Variants in PLEKHG1 observed in about 807,000 individuals in gnomAD.
The protein encoded by PLEKHG1 is pleckstrin homology and RhoGEF domain containing G1.
A neutral mutation model predicts 100.8 loss-of-function variants in PLEKHG1; 44 were observed. The observed-to-expected ratio is 0.44, with a 90% CI of 0.34 to 0.56. PLEKHG1 has a LOEUF of 0.56. PLEKHG1 is among the 20% of genes least tolerant of loss of function. The probability of loss-of-function intolerance (pLI) is 0.01; values close to 1 mark genes in which losing one functional copy is unlikely to be tolerated. For synonymous variants in PLEKHG1, 640 were observed against 662.5 expected (o/e 0.97, Z 0.52); for missense variants, 1,545 against 1,720.9 (o/e 0.90, Z 1.81).
intron 3 of PLEKHG1, among the ~76,000 whole-genome samples, chr6:150,777,362 G>A (rs1451161512): frequency 9.6e-5 from 14 of 146,444 alleles, no homozygotes; most frequent in Middle Eastern, 4.2e-3. Flanking sequence ...GCACATGTGC[G>A]GTTGCACATT....
At chr6:150,780,295 T>C (rs1313571721) in intron 3 of PLEKHG1, among the ~76,000 whole-genome samples, 1 of 151,988 alleles carries the variant, frequency 6.6e-6, no homozygotes, top group Non-Finnish European at 1.5e-5. Flanking sequence ...TTTGTATTTT[T>C]AGTAGAGACA....
At chr6:150,792,791 C>T (rs1052515590) in intron 4 of PLEKHG1, among the ~76,000 whole-genome samples, 37 of 152,254 alleles carry the variant, frequency 2.4e-4, no homozygotes, top group African/African-American at 7.9e-4. Context: ...ATTGTGGTCT[C>T]CAAACACTGT....
At chr6:150,838,264 A>G (rs905802800) in intron 15 of PLEKHG1, among the ~76,000 whole-genome samples, 6 of 152,256 alleles carry the variant, frequency 3.9e-5, no homozygotes, top group Non-Finnish European at 5.9e-5. Flanking sequence ...GATTGTGTCA[A>G]TATGGTCTGA....
rs1562404983 is a variant in PLEKHG1 at position 150,644,332 on chromosome 6, G to GTGTTTTTTTTTTTTTTTTTTT, written c.-158+6227_-158+6228insTTGTTTTTTTTTTTTTTTTTT. Among the ~76,000 whole-genome samples the GTGTTTTTTTTTTTTTTTTTTT allele has an allele frequency of 5.2e-4, 50 of 96,552 alleles. 1 individual carries two copies. The highest frequency in any genetic ancestry group is 2.0e-3 in the African/African-American group (46 of 22,846). The allele number at this position is 96,552 out of a possible 152,430, so 63.3% of individuals were successfully genotyped here. A position where few individuals can be genotyped will look rare whatever the true frequency, so the allele number is the denominator to read the frequency against. On this transcript the variant is annotated intron_variant, in intron 2 of 3. Transcript: ENST00000367326. ...AAAAGAGAGTGGTTTTTTTCTTTTC[G>GTGTTTTTTTTTTTTTTTTTTT]TGTTTTTTTTTTTTTTTTTTGTTAC... is the stretch of plus-strand genomic sequence containing the variant.
In PLEKHG1 at chr6:150,811,389, C is replaced by T. The variant is rs145601984; in HGVS notation, c.1278+1655C>T. 6.6e-5 allele frequency among the ~76,000 whole-genome samples: 10 copies of T among 151,734 alleles called. No homozygotes were observed. The East Asian group carries it at 9.7e-4, about 15-fold the overall frequency. On this transcript the variant is annotated intron_variant, in intron 10 of 15. Transcript: ENST00000358517. Reference sequence around the variant, plus strand: ...GGCTCAAGACATCCCACCACCTCAGCCTCCCAGAATAGCTGGGACCACAGG... The same window carrying T: ...GGCTCAAGACATCCCACCACCTCAGTCTCCCAGAATAGCTGGGACCACAGG...
In PLEKHG1 at chr6:150,705,846, C is replaced by T. The variant is rs566546312; in HGVS notation, c.-98-27738C>T. Among the ~76,000 whole-genome samples the T allele has an allele frequency of 1.2e-4, 18 of 152,282 alleles. No homozygotes were observed. In the East Asian group the frequency reaches 3.3e-3, roughly 28 times the overall value. On this transcript the variant is annotated intron_variant, in intron 3 of 3. Coordinates refer to the PLEKHG1 transcript ENST00000367326. ...TGTTAAAAGTTTTATCTCTGGGGTT[C>T]AGAAAGAAATAAACACTGGGATGGC...
At chr6:150,751,930 C>T (rs776834624) in intron 2 of PLEKHG1, among the ~76,000 whole-genome samples, 1 of 152,094 alleles carries the variant, frequency 6.6e-6, no homozygotes, top group Non-Finnish European at 1.5e-5. Context: ...GGCTCACGCC[C>T]GTAATCCCAG....
chr6:150,720,256 T>C (rs1050602621), upstream of PLEKHG1, among the ~76,000 whole-genome samples: 1 of 152,224 alleles, frequency 6.6e-6, no homozygotes, highest in Non-Finnish European at 1.5e-5. Flanking sequence ...ATACGCCTTC[T>C]GAATCTTTCT....
intron 14 of PLEKHG1, chr6:150,828,164 T>G: frequency 8.7e-6 from 14 of 1,613,840 alleles, no homozygotes; most frequent in Non-Finnish European, 1.2e-5. Flanking sequence ...CCACGATATT[T>G]GTTTACCTGG....
At chr6:150,682,249 G>C (rs1053343306) in intron 3 of PLEKHG1, among the ~76,000 whole-genome samples, 1 of 152,162 alleles carries the variant, frequency 6.6e-6, no homozygotes, top group Admixed American at 6.5e-5. Flanking sequence ...AGCTGCCAAA[G>C]TAAAAAGTGC....
At chr6:150,840,946 C>T (rs757123204) in exon 16 of PLEKHG1, 20 of 1,367,064 alleles carry the variant, frequency 1.5e-5, no homozygotes, top group Admixed American at 1.7e-5. Context: ...GCTCATAAAA[C>T]GTTACAGATA....
At chr6:150,629,711 G>A (rs571210969) in intron 1 of PLEKHG1, among the ~76,000 whole-genome samples, 107 of 152,132 alleles carry the variant, frequency 7.0e-4, no homozygotes, top group South Asian at 1.2e-3. Flanking sequence ...CGCCTGCCTC[G>A]GTCTCCCAAA....
chr6:150,701,463 ATAT>A (rs1562446596), intron 3 of PLEKHG1, among the ~76,000 whole-genome samples: 11 of 83,184 alleles, frequency 1.3e-4, no homozygotes, highest in South Asian at 3.3e-4. Context: ...ATATATATAT[ATAT>A]AATTATACTT....
At chr6:150,610,406 C>G (rs1309472900) in intron 1 of PLEKHG1, among the ~76,000 whole-genome samples, 1 of 152,206 alleles carries the variant, frequency 6.6e-6, no homozygotes, top group Non-Finnish European at 1.5e-5. Context: ...CTGACCTATT[C>G]TAGCACTTTC....
chr6:150,634,499 A>G (rs1311251350), intron 1 of PLEKHG1, among the ~76,000 whole-genome samples: 1 of 152,128 alleles, frequency 6.6e-6, no homozygotes, highest in Non-Finnish European at 1.5e-5. Context: ...AGAAAACCAC[A>G]CTCAAGACTA....
chr6:150,831,263 G>A lies in PLEKHG1; in HGVS notation c.2152G>A (p.Asp718Asn), dbSNP rs756651404. Reference sequence around the variant, plus strand: ...TAAGGGCTCTCTTTACGCACAAACAGATGGCACCCTCTCAGGTGGAGAGGC... The same window carrying A: ...TAAGGGCTCTCTTTACGCACAAACAAATGGCACCCTCTCAGGTGGAGAGGC... Residue 718 changes from aspartate to asparagine, a missense_variant, in exon 15 of 16, where the codon GAT (aspartate) becomes AAT (asparagine). Transcript: ENST00000358517. The surrounding 1 kb of genome is among the most constrained non-coding windows in gnomAD (Gnocchi z 4.1). 6 of 1,614,108 alleles carry A rather than the reference G, an allele frequency of 3.7e-6. No individual in the cohort carries two copies. The highest frequency in any genetic ancestry group is 4.2e-6 in the Non-Finnish European group (5 of 1,180,026).
chr6:150,791,239 T>A (rs1277080081), intron 4 of PLEKHG1, among the ~76,000 whole-genome samples: 1 of 152,172 alleles, frequency 6.6e-6, no homozygotes, highest in African/African-American at 2.4e-5. Flanking sequence ...GTAATTCTGA[T>A]ACTCAAGTTT....
At chr6:150,684,331 C>T (rs1780037664) in intron 3 of PLEKHG1, among the ~76,000 whole-genome samples, 1 of 152,194 alleles carries the variant, frequency 6.6e-6, no homozygotes, top group Non-Finnish European at 1.5e-5. Context: ...AGTAAATCAT[C>T]GCAACAAAGT....
At chr6:150,689,798 T>C (rs1392804134) in intron 3 of PLEKHG1, among the ~76,000 whole-genome samples, 1 of 148,170 alleles carries the variant, frequency 6.7e-6, no homozygotes, top group Non-Finnish European at 1.5e-5. Flanking sequence ...GAGGTTGCAG[T>C]GAGCTGAGAT....
Sources: allele counts gnomAD v4.1 joint callset (sites outside exome capture counted in the v4.1 genomes callset), GRCh38; gene constraint gnomAD v4.1.1; non-coding constraint Gnocchi (gnomAD v3.1); transcripts MANE v1.5; gene names NCBI Gene and HGNC (gene_info 2026-07-23, HGNC 2026-07-21).